Variants in NEMF observed in about 807,000 individuals in gnomAD.
The protein encoded by NEMF is nuclear export mediator factor.
Under a neutral mutation model 162.2 loss-of-function variants are expected in NEMF, and 89 were observed. The ratio of observed to expected loss-of-function variants is 0.55; its 90% CI spans 0.46 to 0.65. The LOEUF is 0.65. NEMF is among the 30% of genes least tolerant of loss of function. The probability of loss-of-function intolerance (pLI) is 0.00; values close to 1 mark genes in which losing one functional copy is unlikely to be tolerated. For missense variants in NEMF, 1,133 were observed against 1,261.9 expected (o/e 0.90, Z 1.55); for synonymous variants, 421 against 404.5 (o/e 1.04, Z -0.49).
intron 26 of NEMF, among the ~76,000 whole-genome samples, chr14:49,790,281 T>C (rs1313260437): frequency 2.6e-5 from 4 of 152,192 alleles, no homozygotes; most frequent in Non-Finnish European, 5.9e-5. Context: ...TGAAAAACGC[T>C]TGCAATACAT....
chr14:49,816,877 A>G (rs1303113820), intron 16 of NEMF, among the ~76,000 whole-genome samples: 1 of 152,212 alleles, frequency 6.6e-6, no homozygotes, highest in African/African-American at 2.4e-5. Flanking sequence ...TAATCATCCT[A>G]GTAAGGGAAT....
At chr14:49,812,255 A>G (rs534581971) in intron 18 of NEMF, among the ~76,000 whole-genome samples, 1 of 152,252 alleles carries the variant, frequency 6.6e-6, no homozygotes, top group Non-Finnish European at 1.5e-5. Flanking sequence ...TAAAGTCGGA[A>G]GTAATGTTCC....
chr14:49,810,836 CA>C (rs1442481598), intron 18 of NEMF, among the ~76,000 whole-genome samples: 1 of 152,232 alleles, frequency 6.6e-6, no homozygotes, highest in Middle Eastern at 3.4e-3. Flanking sequence ...ACAAAAAACA[CA>C]AAAATAAGTT....
At chr14:49,848,084 G>A (rs1371686810) in intron 3 of NEMF, among the ~76,000 whole-genome samples, 1 of 150,630 alleles carries the variant, frequency 6.6e-6, no homozygotes, top group Non-Finnish European at 1.5e-5. Flanking sequence ...CCCAGGCAAG[G>A]CTCAAACTCC....
intron 16 of NEMF, among the ~76,000 whole-genome samples, chr14:49,819,294 CA>C: frequency 6.6e-6 from 1 of 151,688 alleles, no homozygotes; most frequent in East Asian, 1.9e-4. Flanking sequence ...ACCAGACACA[CA>C]AAAAACAGAG....
At chr14:49,824,641 C>G (rs1892250951) in intron 16 of NEMF, among the ~76,000 whole-genome samples, 1 of 150,976 alleles carries the variant, frequency 6.6e-6, no homozygotes. Flanking sequence ...GTTGCACAGG[C>G]TAGTCTCGAA....
rs372910017 is a variant in NEMF at position 49,784,973 on chromosome 14, A to G, written c.3105T>C (p.His1035=). ...TTTCTCTTGCTGTTGCTTCTTTGGA[A>G]TGCATGAAACTATTCAAGGCTGTTT... ...AAKTALNSFM[H]SKEATAREKD... Residue 1035 remains histidine, a synonymous_variant, in exon 32 of 33, where the codon CAT becomes CAC. Coordinates refer to ENST00000298310, the MANE Select transcript of NEMF (RefSeq NM_004713.6). 2 of 1,613,830 alleles carry G rather than the reference A, an allele frequency of 1.2e-6. No individual in the cohort carries two copies. Among genetic ancestry groups the G allele is most frequent in the Non-Finnish European group, 1.7e-6 (2 of 1,179,938 alleles).
chr14:49,828,667 G>A lies in NEMF; in HGVS notation c.1373C>T (p.Pro458Leu). The change falls in exon 14 of 33, where the codon CCC becomes CTC. Residue 458 changes from proline (P) to leucine (L), a missense_variant. Physicochemically the swap from Pro to Leu is moderately conservative, Grantham distance 98 (BLOSUM62 -3). Coordinates refer to ENST00000298310, the MANE Select transcript of NEMF (RefSeq NM_004713.6). The part of the protein sequence containing the change: ...KQLQKPQKNK[P>L]LLVDVDLSLS... ...GCTGAGATCAACATCTACAAGTAAG[G>A]GCTTATTTTTCTGAGGCTTCTGCAG... The A allele has an allele frequency of 6.3e-7, 1 of 1,596,244 alleles. No individual in the cohort carries two copies. Among genetic ancestry groups the A allele is most frequent in the East Asian group, 2.3e-5 (1 of 44,292 alleles).
rs201504408 is a variant in NEMF at position 49,785,270 on chromosome 14, T to C, written c.2979A>G (p.Leu993=). The change falls in exon 30 of 33, where the codon CTA becomes CTG. Residue 993 remains leucine, a synonymous_variant. Transcript: ENST00000298310. The part of the protein sequence containing the change: ...LTGQPHPEDV[L]LFAIPICAPY... Reference sequence around the variant, plus strand: ...GGGCACATATTGGAATGGCAAACAGTAGTACATCTTCAGGATGTGGCTGGC... The same window carrying C: ...GGGCACATATTGGAATGGCAAACAGCAGTACATCTTCAGGATGTGGCTGGC... 7.4e-6 allele frequency: 12 copies of C among 1,614,034 alleles called. 1 individual carries two copies. The East Asian group carries it at 2.2e-4, about 30-fold the overall frequency.
chr14:49,851,270 T>C (rs992716525), intron 3 of NEMF, among the ~76,000 whole-genome samples: 7 of 152,166 alleles, frequency 4.6e-5, no homozygotes, highest in Admixed American at 3.9e-4. Context: ...TAGAATTGTT[T>C]TGATGCAGAG....
chr14:49,824,743 G>C (rs1892255619), intron 16 of NEMF, among the ~76,000 whole-genome samples: 1 of 151,940 alleles, frequency 6.6e-6, no homozygotes, highest in African/African-American at 2.4e-5. Context: ...CAAACTATAA[G>C]AGTAAAATGT....
chr14:49,787,923 T>TA (rs1289789003), intron 28 of NEMF, among the ~76,000 whole-genome samples: 1 of 151,938 alleles, frequency 6.6e-6, no homozygotes, highest in Non-Finnish European at 1.5e-5. Flanking sequence ...AAGCTTTACA[T>TA]AAAAAAAATG....
intron 18 of NEMF, among the ~76,000 whole-genome samples, chr14:49,808,694 T>A (rs1466645076): frequency 6.6e-6 from 1 of 151,518 alleles, no homozygotes; most frequent in Admixed American, 6.6e-5. Context: ...CTAACCTCAA[T>A]CTTTTGCATG....
In NEMF at chr14:49,802,720, C is replaced by T. The variant is rs376684272; in HGVS notation, c.1923G>A (p.Lys641=). Residue 641 remains lysine, a synonymous_variant, in exon 21 of 33, where the codon AAG becomes AAA. Coordinates refer to ENST00000298310, the MANE Select transcript of NEMF (RefSeq NM_004713.6). The part of the protein sequence containing the change: ...TTGSFMIRGK[K]NFLPPSYLMM... ...TTAGATATGAGGGAGGAAGAAAATT[C>T]TTTTTTCCTACAAAAGATAACGTAC... The T allele has an allele frequency of 2.7e-5, 44 of 1,609,486 alleles. No individual in the cohort carries two copies. In the South Asian group the frequency reaches 4.6e-4, roughly 17 times the overall value.
chr14:49,787,063 A>T (rs1204454946), intron 28 of NEMF: 3 of 217,120 alleles, frequency 1.4e-5, no homozygotes, highest in Non-Finnish European at 2.7e-5. Flanking sequence ...TACAAGTACA[A>T]TTTAAAATGA....
At chr14:49,788,673 G>T (rs909839513) in intron 28 of NEMF, among the ~76,000 whole-genome samples, 3 of 150,600 alleles carry the variant, frequency 2.0e-5, no homozygotes, top group Non-Finnish European at 4.4e-5. Context: ...TTCTGCCTCA[G>T]CCTCCCAAGT....
chr14:49,799,389 C>A, intron 25 of NEMF, 86 bp downstream of exon 25: 2 of 1,123,476 alleles, frequency 1.8e-6, no homozygotes, highest in East Asian at 2.4e-5. Flanking sequence ...AGTCTTTAAA[C>A]AGCTAAGTAA....
chr14:49,829,541 C>T, intron 11 of NEMF, 115 bp from the exon 12 acceptor site: 1 of 839,328 alleles, frequency 1.2e-6, no homozygotes, highest in Non-Finnish European at 1.9e-6. Flanking sequence ...ATCTAGCTAG[C>T]TGAAGTTCCC....
chr14:49,811,547 T>G (rs1373372746), intron 18 of NEMF, among the ~76,000 whole-genome samples: 1 of 152,210 alleles, frequency 6.6e-6, no homozygotes. Context: ...TACCCAATCT[T>G]TCAGCATTAA....
Sources: gnomAD v4.1 joint callset for allele counts (sites outside exome capture counted in the v4.1 genomes callset) on GRCh38, gnomAD v4.1.1 for gene constraint, MANE v1.5 for transcripts, NCBI Gene and HGNC (gene_info 2026-07-23, HGNC 2026-07-21) for gene names.